PRMT5: variants seen among roughly 807,000 people sequenced by gnomAD.
PRMT5 encodes protein arginine N-methyltransferase 5.
A neutral mutation model predicts 84.0 loss-of-function variants in PRMT5; 15 were observed. The observed-to-expected ratio is 0.18, with a 90% CI of 0.12 to 0.28. The LOEUF is 0.28. Among genes scored for constraint, PRMT5 ranks in the 10% least tolerant of loss-of-function variants. PRMT5 has a pLI of 1.00. For missense variants in PRMT5, 486 were observed against 808.0 expected (o/e 0.60, Z 4.83); for synonymous variants, 276 against 292.4 (o/e 0.94, Z 0.57).
chr14:22,924,872 G>C lies in PRMT5; in HGVS notation c.939+7C>G. On this transcript the variant is annotated splice_region_variant and intron_variant, in intron 8 of 16. Transcript: ENST00000324366. The surrounding 1 kb of genome is among the most constrained non-coding windows in gnomAD (Gnocchi z 6.5). Reference sequence around the variant, plus strand: ...ACCTTCCTCCTCTAAGTGCACTCCAGACCCACCTGAAGCGGGGACTGCAGA... The same window carrying C: ...ACCTTCCTCCTCTAAGTGCACTCCACACCCACCTGAAGCGGGGACTGCAGA... 1 of 1,613,908 alleles carries C rather than the reference G, an allele frequency of 6.2e-7. No individual in the cohort carries two copies. The highest frequency in any genetic ancestry group is 8.5e-7 in the Non-Finnish European group (1 of 1,179,880).
chr14:22,923,171 G>A lies in PRMT5; in HGVS notation c.1376-11C>T. The A allele has an allele frequency of 6.3e-7, 1 of 1,578,802 alleles. No individual in the cohort carries two copies. The highest frequency in any genetic ancestry group is 1.1e-5 in the South Asian group (1 of 88,810). On this transcript the variant is annotated splice_polypyrimidine_tract_variant and intron_variant, in intron 12 of 16. Transcript: ENST00000324366. The surrounding 1 kb of genome is among the most constrained non-coding windows in gnomAD (Gnocchi z 5.2). ...TGCTCACACCATCATCTGCACAGCA[G>A]GAGAGTCAAATTAGTTCCAGAGGGA... is the stretch of plus-strand genomic sequence containing the variant.
chr14:22,927,397 C>A, intron 4 of PRMT5, 129 bp downstream of exon 4: 1 of 1,313,744 alleles, frequency 7.6e-7, no homozygotes, highest in South Asian at 1.4e-5. Context: ...GCATCACCCA[C>A]TGTGCCCGCC....
At chr14:22,925,144 C>T in intron 7 of PRMT5, 104 bp from the exon 8 acceptor site, 1 of 1,167,502 alleles carries the variant, frequency 8.6e-7, no homozygotes, top group Non-Finnish European at 1.2e-6. Flanking sequence ...CCCAGATCAA[C>T]AGTTCTCTTT....
rs368092977 is a variant in PRMT5, at chr14:22,922,495, T to G, written c.1644A>C (p.Leu548=). ...TCTCAAAGTAGCCGGCAAAGCCATG[T>G]AGTACTGTGTTCACCTCCACAGGAA... ...LEFPVEVNTV[L]HGFAGYFETV... is the part of the protein sequence containing the mutation. Residue 548 remains leucine (L), a synonymous_variant, in exon 15 of 17, where the codon CTA becomes CTC. Coordinates refer to ENST00000324366, the MANE Select transcript of PRMT5 (RefSeq NM_006109.5). 3 of 1,614,154 alleles carry G rather than the reference T, an allele frequency of 1.9e-6. 1 individual carries two copies. The South Asian group carries it at 3.3e-5, about 18-fold the overall frequency.
At chr14:22,921,377 G>A (rs550442540) in intron 16 of PRMT5, among the ~76,000 whole-genome samples, 3 of 152,154 alleles carry the variant, frequency 2.0e-5, no homozygotes, top group East Asian at 1.9e-4. Context: ...AACTCTACAG[G>A]CAAGAGAAAG....
rs1260499619 is a variant in PRMT5, at chr14:22,924,134, A to C, written c.1249T>G (p.Ser417Ala). 6.2e-7 allele frequency: 1 copy of C among 1,613,142 alleles called. No homozygotes were observed. The highest frequency in any genetic ancestry group is 1.1e-5 in the South Asian group (1 of 90,968). The change falls in exon 12 of 17, where the codon TCA becomes GCA. Residue 417 changes from serine (S) to alanine (A), a missense_variant. By Grantham distance (99) the Ser-to-Ala change is moderately conservative. This residue lies in a region of PRMT5 where 219 missense variants were observed against 433.6 expected (regional missense o/e 0.51). Coordinates refer to ENST00000324366, the MANE Select transcript of PRMT5 (RefSeq NM_006109.5). This position sits in a 1 kb window ranked among gnomAD's most constrained non-coding sequence, Gnocchi z 6.5. ...EEWGSQVTVV[S>A]SDMREWVAPE... ...GCCACCCATTCCCTCATGTCTGATG[A>C]GACTACGGTCACTTGGCTTCCCCAT...
chr14:22,920,854 G>A lies in PRMT5; in HGVS notation c.*50C>T. On this transcript the variant is annotated 3_prime_UTR_variant, in exon 17 of 17. Coordinates refer to ENST00000324366, the MANE Select transcript of PRMT5 (RefSeq NM_006109.5). ...ATGTACTGCACCTTCTGTACTACAG[G>A]AGCAGAACCTGAAGCTGCTTCCAAG... 1 of 1,611,054 alleles carries A rather than the reference G, an allele frequency of 6.2e-7. No individual in the cohort carries two copies. Among genetic ancestry groups the A allele is most frequent in the Non-Finnish European group, 8.5e-7 (1 of 1,177,512 alleles).
Position 22,928,378 on chromosome 14 carries a change from T to A in PRMT5, c.229+119A>T. The A allele has an allele frequency of 8.7e-7, 1 of 1,149,872 alleles. No homozygotes were observed. The highest frequency in any genetic ancestry group is 1.3e-5 in the South Asian group (1 of 77,154). 71.2% of individuals were successfully genotyped at this position (1,149,872 alleles called of 1,614,324 possible). A position where few individuals can be genotyped will look rare whatever the true frequency, so the allele number is the denominator to read the frequency against. On this transcript the variant is annotated intron_variant, in intron 2 of 16. Coordinates refer to ENST00000324366, the MANE Select transcript of PRMT5 (RefSeq NM_006109.5). The surrounding 1 kb of genome is among the most constrained non-coding windows in gnomAD (Gnocchi z 4.8). Reference sequence around the variant, plus strand: ...AGAGAAGCAAGGAGAAAACAAGTTATCTATATCCCAGGGACTAACAAATAT... The same window carrying A: ...AGAGAAGCAAGGAGAAAACAAGTTAACTATATCCCAGGGACTAACAAATAT...
In PRMT5 at chr14:22,920,829, A is replaced by G; in HGVS notation, c.*75T>C. The G allele has an allele frequency of 6.3e-7, 1 of 1,588,098 alleles. No homozygotes were observed. Among genetic ancestry groups the G allele is most frequent in the Non-Finnish European group, 8.6e-7 (1 of 1,156,808 alleles). ...GGGCAAGGGGAATCACAGCCCATAG[A>G]TGTACTGCACCTTCTGTACTACAGG... On this transcript the variant is annotated 3_prime_UTR_variant, in exon 17 of 17. Coordinates refer to ENST00000324366, the MANE Select transcript of PRMT5 (RefSeq NM_006109.5).
chr14:22,928,765 G>A lies in PRMT5; in HGVS notation c.111-150C>T. The stretch of plus-strand genomic sequence containing the variant: ...CTGCTGAGTTCAGACCACCTTGGGG[G>A]ATATCAACTCTGCTGTACTGTGCCT... On this transcript the variant is annotated intron_variant, in intron 1 of 16. Transcript: ENST00000324366. The surrounding 1 kb of genome is among the most constrained non-coding windows in gnomAD (Gnocchi z 4.8). 1 of 711,338 alleles carries A rather than the reference G, an allele frequency of 1.4e-6. No homozygotes were observed. The highest frequency in any genetic ancestry group is 2.5e-6 in the Non-Finnish European group (1 of 394,566). 44.1% of individuals were successfully genotyped at this position (711,338 alleles called of 1,614,324 possible).
In PRMT5 at chr14:22,923,175, A is replaced by G. The variant is rs1294885945; in HGVS notation, c.1376-15T>C. On this transcript the variant is annotated splice_polypyrimidine_tract_variant and intron_variant, in intron 12 of 16. Transcript: ENST00000324366. This position sits in a 1 kb window ranked among gnomAD's most constrained non-coding sequence, Gnocchi z 5.2. Reference sequence around the variant, plus strand: ...CACACCATCATCTGCACAGCAGGAGAGTCAAATTAGTTCCAGAGGGAGGGA... The same window carrying G: ...CACACCATCATCTGCACAGCAGGAGGGTCAAATTAGTTCCAGAGGGAGGGA... The G allele has an allele frequency of 1.3e-6, 2 of 1,557,184 alleles. No homozygotes were observed. The highest frequency in any genetic ancestry group is 2.2e-5 in the East Asian group (1 of 44,528).
Position 22,920,674 on chromosome 14 carries a change from T to C in PRMT5, c.*230A>G, listed in dbSNP as rs1306159302. The C allele has an allele frequency of 8.4e-6, 6 of 718,424 alleles. No individual in the cohort carries two copies. The Admixed American group carries it at 1.2e-4, about 14-fold the overall frequency. 44.5% of individuals were successfully genotyped at this position (718,424 alleles called of 1,614,324 possible). A position where few individuals can be genotyped will look rare whatever the true frequency, so the allele number is the denominator to read the frequency against. On this transcript the variant is annotated 3_prime_UTR_variant, in exon 17 of 17. Coordinates refer to ENST00000324366, the MANE Select transcript of PRMT5 (RefSeq NM_006109.5). ...TTGAGGCTGAGTGCGTAGCTTCAAATCCAGCACTAATTCCTCACCCCCTGG... is the reference window on the plus strand; with the variant it reads ...TTGAGGCTGAGTGCGTAGCTTCAAACCCAGCACTAATTCCTCACCCCCTGG...
At chr14:22,926,059 A>G in intron 7 of PRMT5, 74 bp downstream of exon 7, 1 of 1,412,662 alleles carries the variant, frequency 7.1e-7, no homozygotes, top group Non-Finnish European at 9.6e-7. Flanking sequence ...GCCTCACAGG[A>G]AAAAACGATC....
Position 22,928,289 on chromosome 14 carries a change from T to A in PRMT5, c.230-78A>T. On this transcript the variant is annotated intron_variant, in intron 2 of 16. Transcript: ENST00000324366. The surrounding 1 kb of genome is among the most constrained non-coding windows in gnomAD (Gnocchi z 4.8). ...CTTGTTCAATTTTTAGTTTTGGGAATCAAGAGTAGAAATGAGAGACAAAGG... is the reference window on the plus strand; with the variant it reads ...CTTGTTCAATTTTTAGTTTTGGGAAACAAGAGTAGAAATGAGAGACAAAGG... 2 of 1,500,090 alleles carry A rather than the reference T, an allele frequency of 1.3e-6. No individual in the cohort carries two copies. Among genetic ancestry groups the A allele is most frequent in the Non-Finnish European group, 9.2e-7 (1 of 1,081,690 alleles). The allele number at this position is 1,500,090 out of a possible 1,614,324, so 92.9% of individuals were successfully genotyped here. A position where few individuals can be genotyped will look rare whatever the true frequency, so the allele number is the denominator to read the frequency against.
At chr14:22,922,038 C>T (rs1032739134) in intron 16 of PRMT5, 138 bp downstream of exon 16, 12 of 799,480 alleles carry the variant, frequency 1.5e-5, no homozygotes, top group African/African-American at 3.4e-5. Context: ...CTCCCAACAC[C>T]TACCACTGGG....
At chr14:22,925,933 A>G (rs1402019327) in intron 7 of PRMT5, among the ~76,000 whole-genome samples, 200 bp downstream of exon 7, 1 of 152,172 alleles carries the variant, frequency 6.6e-6, no homozygotes, top group East Asian at 1.9e-4. Flanking sequence ...CAAAGTTCTC[A>G]TGAGGTTTGG....
In PRMT5 at chr14:22,924,476, C is replaced by T; in HGVS notation, c.1076+3G>A. 1 of 1,614,020 alleles carries T rather than the reference C, an allele frequency of 6.2e-7. No individual in the cohort carries two copies. The highest frequency in any genetic ancestry group is 8.5e-7 in the Non-Finnish European group (1 of 1,179,942). ...TCCCTGAGATTGAGGGGAAAGCACTCACTGGACATTGGTATCCTTCTCCTC... is the reference window on the plus strand; with the variant it reads ...TCCCTGAGATTGAGGGGAAAGCACTTACTGGACATTGGTATCCTTCTCCTC... On this transcript the variant is annotated splice_donor_region_variant and intron_variant, in intron 10 of 16. Transcript: ENST00000324366. This position sits in a 1 kb window ranked among gnomAD's most constrained non-coding sequence, Gnocchi z 6.5.
chr14:22,922,462 A>G lies in PRMT5; in HGVS notation c.1677T>C (p.Leu559=). 6 of 1,612,916 alleles carry G rather than the reference A, an allele frequency of 3.7e-6. No homozygotes were observed. The highest frequency in any genetic ancestry group is 5.1e-6 in the Non-Finnish European group (6 of 1,178,882). The part of the protein sequence containing the change: ...HGFAGYFETV[L]YQDITLSIRP... ...ACTCACTCAGAGTGATGTCCTGATA[A>G]AGCACAGTCTCAAAGTAGCCGGCAA... Residue 559 remains leucine (L), a synonymous_variant, in exon 15 of 17, where the codon CTT becomes CTC. Coordinates refer to ENST00000324366, the MANE Select transcript of PRMT5 (RefSeq NM_006109.5).
In PRMT5 at chr14:22,920,999, T is replaced by C. The variant is rs376227399; in HGVS notation, c.1819A>G (p.Asn607Asp). 4 of 1,614,226 alleles carry C rather than the reference T, an allele frequency of 2.5e-6. No homozygotes were observed. Among genetic ancestry groups the C allele is most frequent in the Non-Finnish European group, 3.4e-6 (4 of 1,180,042 alleles). Residue 607 changes from asparagine (N) to aspartate (D), a missense_variant, in exon 17 of 17, where the codon AAT (asparagine) becomes GAT (aspartate). Coordinates refer to ENST00000324366, the MANE Select transcript of PRMT5 (RefSeq NM_006109.5). The stretch of plus-strand genomic sequence containing the variant: ...CACTCATACCACACCTTCTTGGAAT[T>C]GCTGCATCGCCAGAAACGCACACAG... Reference protein sequence around the residue: ...TICVRFWRCSNSKKVWYEWAV... With the variant: ...TICVRFWRCSDSKKVWYEWAV...
Sources: gnomAD v4.1 joint callset for allele counts (sites outside exome capture counted in the v4.1 genomes callset) on GRCh38, gnomAD v4.1.1 for gene constraint, gnomAD v4.1.1 regional missense constraint, Gnocchi (gnomAD v3.1) non-coding constraint, MANE v1.5 for transcripts, NCBI Gene and HGNC (gene_info 2026-07-23, HGNC 2026-07-21) for gene names.